ZNF385D: variants seen among roughly 807,000 people sequenced by gnomAD.
The protein encoded by ZNF385D is zinc finger protein 659.
Under a neutral mutation model 35.8 loss-of-function variants are expected in ZNF385D, and 15 were observed. That is an observed-to-expected ratio of 0.42 (90% CI 0.28 to 0.64). The LOEUF (loss-of-function observed/expected upper bound fraction) is 0.64, where lower values mean the gene tolerates loss of function less well. ZNF385D is among the 30% of genes least tolerant of loss of function. The pLI is 0.23. For synonymous variants in ZNF385D, 212 were observed against 186.8 expected, an observed-to-expected ratio of 1.13 and a Z score of -1.10; for missense variants, 474 against 494.6, an observed-to-expected ratio of 0.96 and a Z score of 0.39.
At chr3:22,239,016 A>T (rs566622066) in intron 2 of ZNF385D, among the ~76,000 whole-genome samples, 1 of 150,832 alleles carries the variant, frequency 6.6e-6, no homozygotes, top group African/African-American at 2.5e-5. Context: ...AGCCTCCCCA[A>T]ATACTGGGAT....
At chr3:22,359,907 C>T (rs139516902) in intron 2 of ZNF385D, among the ~76,000 whole-genome samples, 5 of 151,774 alleles carry the variant, frequency 3.3e-5, no homozygotes, top group South Asian at 2.1e-4. Flanking sequence ...TACATACTAG[C>T]GGCAACATAA....
At chr3:21,599,500 A>G (rs1165044987) in intron 2 of ZNF385D, among the ~76,000 whole-genome samples, 1 of 152,224 alleles carries the variant, frequency 6.6e-6, no homozygotes, top group Non-Finnish European at 1.5e-5. Flanking sequence ...AGCTACTATT[A>G]TTGAAAATCT....
intron 2 of ZNF385D, among the ~76,000 whole-genome samples, chr3:21,615,293 TC>T (rs2064812935): frequency 6.6e-6 from 1 of 152,162 alleles, no homozygotes; most frequent in South Asian, 2.1e-4. Flanking sequence ...CCCTCCACCA[TC>T]TGCCATGATT....
In ZNF385D at chr3:21,868,982, C is replaced by T. The variant is rs561300114; in HGVS notation, c.326-203954G>A. On this transcript the variant is annotated intron_variant, in intron 3 of 5. Coordinates refer to the ZNF385D transcript ENST00000494108. Reference sequence around the variant, plus strand: ...GCCTAAAACACAGAACATTATAATGCTGCAACATCAGCTGGCAGGAATTAC... The same window carrying T: ...GCCTAAAACACAGAACATTATAATGTTGCAACATCAGCTGGCAGGAATTAC... Among the ~76,000 whole-genome samples, 31 of 152,168 alleles carry T rather than the reference C, an allele frequency of 2.0e-4. No individual in the cohort carries two copies. In the South Asian group the frequency reaches 5.8e-3, roughly 28 times the overall value.
At chr3:21,953,061 C>T (rs770403207) in intron 3 of ZNF385D, among the ~76,000 whole-genome samples, 1 of 151,906 alleles carries the variant, frequency 6.6e-6, no homozygotes, top group Non-Finnish European at 1.5e-5. Context: ...TTATGTGCTT[C>T]GTTGGGTTAC....
intron 3 of ZNF385D, among the ~76,000 whole-genome samples, chr3:21,791,092 T>C (rs190083630): frequency 5.4e-4 from 83 of 152,320 alleles, no homozygotes; most frequent in African/African-American, 2.0e-3. Context: ...GCTCTAAAAA[T>C]CACAAGTACT....
chr3:21,918,395 T>G (rs1326449863), intron 3 of ZNF385D, among the ~76,000 whole-genome samples: 2 of 152,206 alleles, frequency 1.3e-5, no homozygotes, highest in African/African-American at 4.8e-5. Context: ...TATTTGGATT[T>G]TCTATCTGAA....
At chr3:21,948,987 T>C (rs567945292) in intron 3 of ZNF385D, among the ~76,000 whole-genome samples, 1 of 152,256 alleles carries the variant, frequency 6.6e-6, no homozygotes, top group South Asian at 2.1e-4. Flanking sequence ...ATACATTGGG[T>C]TTTGCAGTAT....
intron 2 of ZNF385D, among the ~76,000 whole-genome samples, chr3:21,604,423 G>A (rs1439197318): frequency 6.6e-6 from 1 of 152,206 alleles, no homozygotes; most frequent in African/African-American, 2.4e-5. Flanking sequence ...CATGATTGAA[G>A]TTTAGGAATT....
chr3:22,311,649 TA>T (rs1220524640), intron 2 of ZNF385D, among the ~76,000 whole-genome samples: 1 of 152,162 alleles, frequency 6.6e-6, no homozygotes, highest in African/African-American at 2.4e-5. Flanking sequence ...TATAAGCTTG[TA>T]ATATTAATTC....
At chr3:22,075,479 C>T (rs17010728) in intron 3 of ZNF385D, among the ~76,000 whole-genome samples, 39,022 of 151,656 alleles carry the variant, frequency 0.26, 6,435 homozygotes, top group African/African-American at 0.47. Flanking sequence ...CTGCCCTCAT[C>T]ATCCCTCTTC....
Position 21,522,876 on chromosome 3 carries a change from A to C in ZNF385D, c.277-11853T>G, listed in dbSNP as rs368432065. Among the ~76,000 whole-genome samples, 76 of 152,318 alleles carry C rather than the reference A, an allele frequency of 5.0e-4. 1 individual carries two copies. In the South Asian group the frequency reaches 0.015, roughly 30 times the overall value. On this transcript the variant is annotated intron_variant, in intron 3 of 7. Transcript: ENST00000281523. ...GGTATAGGTGAGTTGTGTCAGCAAG[A>C]AAGTTCTAATCCAAAGAGTTTAGTG...
intron 3 of ZNF385D, among the ~76,000 whole-genome samples, chr3:21,978,458 T>G (rs1007028134): frequency 3.9e-5 from 6 of 152,252 alleles, no homozygotes; most frequent in Non-Finnish European, 5.9e-5. Context: ...ACCCAGGAAC[T>G]ATGCCATCAC....
At chr3:21,773,868 T>G (rs2071180630) in intron 3 of ZNF385D, among the ~76,000 whole-genome samples, 1 of 152,002 alleles carries the variant, frequency 6.6e-6, no homozygotes, top group South Asian at 2.1e-4. Context: ...TGGCAATTCC[T>G]CAAAGACCTA....
At chr3:21,870,822 T>C (rs780492182) in intron 3 of ZNF385D, among the ~76,000 whole-genome samples, 9 of 149,628 alleles carry the variant, frequency 6.0e-5, no homozygotes, top group Non-Finnish European at 1.0e-4. Context: ...GTCTGCTCTT[T>C]CTTTTGCAAT....
rs562381305 is a variant in ZNF385D, at chr3:22,178,460, C to A, written c.107-9425G>T. 8.8e-4 allele frequency among the ~76,000 whole-genome samples: 134 copies of A among 152,146 alleles called. 1 individual carries two copies. The highest frequency in any genetic ancestry group is 3.0e-3 in the African/African-American group (124 of 41,508). On this transcript the variant is annotated intron_variant, in intron 2 of 5. Transcript: ENST00000494108. ...TTTTTCTTGTAAATTTGTTTGAGTTCTTTGTAGATTCTGGATATTAGCCCT... is the reference window on the plus strand; with the variant it reads ...TTTTTCTTGTAAATTTGTTTGAGTTATTTGTAGATTCTGGATATTAGCCCT...
At chr3:22,014,727 C>G (rs533914946) in intron 3 of ZNF385D, among the ~76,000 whole-genome samples, 1 of 151,928 alleles carries the variant, frequency 6.6e-6, no homozygotes, top group Admixed American at 6.6e-5. Context: ...TAAGAAAGTG[C>G]AAACCGCTAA....
At chr3:21,887,703 A>C (rs1188784877) in intron 3 of ZNF385D, among the ~76,000 whole-genome samples, 1 of 152,146 alleles carries the variant, frequency 6.6e-6, no homozygotes. Flanking sequence ...GAAAAATTAT[A>C]AATTTAAAAT....
chr3:22,037,097 A>C (rs1424028244), intron 3 of ZNF385D, among the ~76,000 whole-genome samples: 2 of 152,060 alleles, frequency 1.3e-5, no homozygotes, highest in East Asian at 1.9e-4. Context: ...ACATTTTCTT[A>C]ATCCAGTCTA....
Sources: allele counts gnomAD v4.1 joint callset (sites outside exome capture counted in the v4.1 genomes callset), GRCh38; gene constraint gnomAD v4.1.1; transcripts MANE v1.5; gene names NCBI Gene and HGNC (gene_info 2026-07-23, HGNC 2026-07-21).